Variants in AIDA observed in about 807,000 individuals in gnomAD.
AIDA encodes the protein axin interactor, dorsalization associated, also known as axin interactor, dorsalization-associated protein.
In AIDA, 18 loss-of-function variants were observed where a neutral mutation model predicts 42.7. That is an observed-to-expected ratio of 0.42 (90% CI 0.29 to 0.63). AIDA has a LOEUF of 0.63. Ranked by LOEUF, AIDA falls within the 20% of genes least tolerant of loss-of-function variation. AIDA has a pLI of 0.19. For synonymous variants in AIDA, 104 were observed against 122.9 expected, an observed-to-expected ratio of 0.85 and a Z score of 1.02; for missense variants, 250 against 354.1, an observed-to-expected ratio of 0.71 and a Z score of 2.36.
At chr1:222,698,102 T>TTA (rs1445547393) in intron 2 of AIDA, among the ~76,000 whole-genome samples, 5 of 152,202 alleles carry the variant, frequency 3.3e-5, no homozygotes, top group African/African-American at 1.2e-4. Context: ...AACCCAGTTG[T>TTA]TATAATGACA....
intron 7 of AIDA, among the ~76,000 whole-genome samples, chr1:222,674,133 T>C (rs968021029): frequency 2.0e-4 from 31 of 152,200 alleles, no homozygotes; most frequent in Admixed American, 1.5e-3. Flanking sequence ...CTACAGGGCG[T>C]ATATTTCATA....
At chr1:222,707,102 T>A (rs1034562858) in intron 1 of AIDA, among the ~76,000 whole-genome samples, 9 of 152,046 alleles carry the variant, frequency 5.9e-5, no homozygotes, top group African/African-American at 2.2e-4. Context: ...ATTGTACATG[T>A]AAAATAGATG....
At chr1:222,705,026 A>G (rs1655802338) in intron 1 of AIDA, among the ~76,000 whole-genome samples, 1 of 152,214 alleles carries the variant, frequency 6.6e-6, no homozygotes, top group Non-Finnish European at 1.5e-5. Flanking sequence ...GTCTTTAAAG[A>G]TAAGGCATAA....
intron 6 of AIDA, among the ~76,000 whole-genome samples, chr1:222,683,746 TA>T (rs1664693363): frequency 6.6e-6 from 1 of 152,246 alleles, no homozygotes; most frequent in Non-Finnish European, 1.5e-5. Flanking sequence ...TAATAGGCTA[TA>T]AGCTTATACT....
chr1:222,695,641 G>A (rs1296659297), intron 2 of AIDA, among the ~76,000 whole-genome samples: 1 of 152,046 alleles, frequency 6.6e-6, no homozygotes, highest in Non-Finnish European at 1.5e-5. Flanking sequence ...GAAATTAAAG[G>A]GAGATTCATA....
At chr1:222,689,099 C>T (rs1655275454) in intron 4 of AIDA, among the ~76,000 whole-genome samples, 1 of 151,508 alleles carries the variant, frequency 6.6e-6, no homozygotes, top group South Asian at 2.1e-4. Flanking sequence ...AGAGTAAAAA[C>T]AAAAATTAAA....
chr1:222,694,692 A>G (rs1270389837), intron 2 of AIDA, among the ~76,000 whole-genome samples: 2 of 152,244 alleles, frequency 1.3e-5, no homozygotes, highest in African/African-American at 4.8e-5. Flanking sequence ...TGTTTAATAT[A>G]TAGGCAACAC....
chr1:222,703,625 AT>A (rs1655768298), intron 1 of AIDA, among the ~76,000 whole-genome samples: 1 of 152,224 alleles, frequency 6.6e-6, no homozygotes, highest in African/African-American at 2.4e-5. Flanking sequence ...TCTGTCATTG[AT>A]TTGGTAGTAA....
chr1:222,686,635 T>C (rs571329305), intron 6 of AIDA, among the ~76,000 whole-genome samples: 7 of 152,294 alleles, frequency 4.6e-5, no homozygotes, highest in Admixed American at 2.0e-4. Context: ...TTGCTGATTT[T>C]GTTCTTGTGT....
At chr1:222,684,940 T>C (rs1486680403) in intron 6 of AIDA, among the ~76,000 whole-genome samples, 1 of 152,170 alleles carries the variant, frequency 6.6e-6, no homozygotes, top group East Asian at 1.9e-4. Context: ...GCTATACCAA[T>C]TACAGTATGT....
intron 4 of AIDA, among the ~76,000 whole-genome samples, chr1:222,689,481 G>GTATGTGTA (rs1553294373): frequency 8.5e-5 from 3 of 35,330 alleles, no homozygotes; most frequent in Non-Finnish European, 1.8e-4. Context: ...GTGTGTGTGT[G>GTATGTGTA]TATATATATA....
At chr1:222,689,117 A>G (rs753132394) in intron 4 of AIDA, among the ~76,000 whole-genome samples, 1 of 151,830 alleles carries the variant, frequency 6.6e-6, no homozygotes, top group Non-Finnish European at 1.5e-5. Context: ...AAAATAGAAA[A>G]CACTTATAGA....
chr1:222,697,278 G>A (rs1446488773), intron 2 of AIDA, among the ~76,000 whole-genome samples: 1 of 150,026 alleles, frequency 6.7e-6, no homozygotes, highest in Admixed American at 6.7e-5. Context: ...ACTGAACTAT[G>A]GCAAAATACC....
chr1:222,687,323 T>C (rs894193754), intron 5 of AIDA, among the ~76,000 whole-genome samples: 1 of 151,966 alleles, frequency 6.6e-6, no homozygotes, highest in African/African-American at 2.4e-5. Flanking sequence ...CCCAGTTACT[T>C]GGGAGGCTGA....
chr1:222,671,027 T>C (rs1381793841), intron 8 of AIDA, among the ~76,000 whole-genome samples: 1 of 151,972 alleles, frequency 6.6e-6, no homozygotes, highest in Non-Finnish European at 1.5e-5. Flanking sequence ...GAGACCAGCC[T>C]GGGCAACAAG....
intron 1 of AIDA, 70 bp downstream of exon 1, chr1:222,712,138 C>T: frequency 6.5e-7 from 1 of 1,547,666 alleles, no homozygotes; most frequent in East Asian, 2.5e-5. Context: ...TGATGAGAGA[C>T]ACCGACAGAA....
intron 4 of AIDA, among the ~76,000 whole-genome samples, 173 bp downstream of exon 4, chr1:222,693,616 C>CAA (rs1305365347): frequency 6.6e-6 from 1 of 151,846 alleles, no homozygotes; most frequent in Non-Finnish European, 1.5e-5. Context: ...AGGTAAAATC[C>CAA]AAAAAATAAT....
intron 2 of AIDA, among the ~76,000 whole-genome samples, chr1:222,695,640 G>C (rs1330016308): frequency 6.6e-6 from 1 of 152,076 alleles, no homozygotes; most frequent in African/African-American, 2.4e-5. Flanking sequence ...AGAAATTAAA[G>C]GGAGATTCAT....
chr1:222,670,061 T>C, intron 9 of AIDA, 72 bp from the exon 10 acceptor site: 2 of 1,607,940 alleles, frequency 1.2e-6, no homozygotes, highest in Non-Finnish European at 1.7e-6. Context: ...AAATACTGGA[T>C]ATGGGGGATT....
Sources: allele counts gnomAD v4.1 joint callset (sites outside exome capture counted in the v4.1 genomes callset), GRCh38; gene constraint gnomAD v4.1.1; transcripts MANE v1.5; gene names NCBI Gene and HGNC (gene_info 2026-07-23, HGNC 2026-07-21).